CTDSPL2: variants seen among roughly 807,000 people sequenced by gnomAD.
CTDSPL2 encodes the protein CTD small phosphatase like 2.
A neutral mutation model predicts 60.0 loss-of-function variants in CTDSPL2; 5 were observed. The observed-to-expected ratio is 0.08, with a 90% CI of 0.04 to 0.18. The LOEUF is 0.18. CTDSPL2 is among the 10% of genes least tolerant of loss of function. The probability of loss-of-function intolerance (pLI) is 1.00; values close to 1 mark genes in which losing one functional copy is unlikely to be tolerated. For synonymous variants in CTDSPL2, 186 were observed against 189.3 expected (o/e 0.98, Z 0.14); for missense variants, 370 against 548.8 (o/e 0.67, Z 3.26).
At chr15:44,455,565 A>C (rs1036951520) in intron 1 of CTDSPL2, among the ~76,000 whole-genome samples, 7 of 152,132 alleles carry the variant, frequency 4.6e-5, no homozygotes, top group African/African-American at 1.7e-4. Flanking sequence ...GTTTGTCATA[A>C]ATAGCTCTTA....
intron 1 of CTDSPL2, among the ~76,000 whole-genome samples, chr15:44,455,839 A>ATTTTT (rs35307134): frequency 3.8e-4 from 18 of 47,534 alleles, no homozygotes; most frequent in South Asian, 9.3e-4. Flanking sequence ...TTTATTGAGG[A>ATTTTT]TTTTTTTTTT....
At chr15:44,497,802 G>A (rs2081326181) in intron 7 of CTDSPL2, among the ~76,000 whole-genome samples, 1 of 152,094 alleles carries the variant, frequency 6.6e-6, no homozygotes, top group Non-Finnish European at 1.5e-5. Context: ...TTTGAGACCA[G>A]CCTGACCAAC....
intron 1 of CTDSPL2, among the ~76,000 whole-genome samples, chr15:44,439,571 T>C (rs1257197772): frequency 6.6e-6 from 1 of 151,792 alleles, no homozygotes. Context: ...TGCATTATAC[T>C]GGTTGAGCAT....
chr15:44,489,668 A>G (rs747455721), intron 4 of CTDSPL2, among the ~76,000 whole-genome samples: 3 of 152,214 alleles, frequency 2.0e-5, no homozygotes, highest in Non-Finnish European at 4.4e-5. Context: ...AGGATTAGTC[A>G]TTGGATGAGT....
At chr15:44,499,600 AT>A (rs2081355689) in intron 7 of CTDSPL2, 126 bp from the exon 8 acceptor site, 1 of 542,604 alleles carries the variant, frequency 1.8e-6, no homozygotes. Context: ...ACATATAGTA[AT>A]ATATTATAAA....
At chr15:44,488,565 C>A (rs1035895028) in intron 4 of CTDSPL2, among the ~76,000 whole-genome samples, 3 of 152,134 alleles carry the variant, frequency 2.0e-5, no homozygotes, top group Non-Finnish European at 4.4e-5. Context: ...GTAATCCGAG[C>A]ACTTTGGGAG....
intron 1 of CTDSPL2, among the ~76,000 whole-genome samples, chr15:44,434,668 T>C (rs1338565197): frequency 6.6e-6 from 1 of 152,060 alleles, no homozygotes; most frequent in Non-Finnish European, 1.5e-5. Flanking sequence ...AGTGCTGAGA[T>C]TACAGGTGTG....
At position 44,484,290 on chromosome 15, in the gene CTDSPL2, T is replaced by A. The variant is rs776627508; in HGVS notation, c.253T>A (p.Ser85Thr). The A allele has an allele frequency of 3.7e-6, 6 of 1,613,124 alleles. No individual in the cohort carries two copies. The African/African-American group carries it at 5.3e-5, about 14-fold the overall frequency. ...TGATATAGATAACAATTTGATCACG[T>A]CAACACCAAGAGCAGGAGAAAAACC... The part of the protein sequence containing the change: ...ERDIDNNLIT[S>T]TPRAGEKPNK... The change falls in exon 3 of 13, where the codon TCA (serine) becomes ACA (threonine). Residue 85 changes from serine to threonine, a missense_variant. This residue lies in a region of CTDSPL2 where 287 missense variants were observed against 296.1 expected (regional missense o/e 0.97). Transcript: ENST00000260327.
chr15:44,429,757 T>G (rs1264308109), intron 1 of CTDSPL2, among the ~76,000 whole-genome samples: 1 of 152,092 alleles, frequency 6.6e-6, no homozygotes, highest in Non-Finnish European at 1.5e-5. Context: ...TCCCAGCTAC[T>G]CGGGAGGCTG....
intron 12 of CTDSPL2, among the ~76,000 whole-genome samples, chr15:44,522,328 C>T (rs2081794701): frequency 6.6e-6 from 1 of 152,106 alleles, no homozygotes. Flanking sequence ...GCCATCATGC[C>T]CAACCACATT....
chr15:44,457,606 G>C (rs1010128324), intron 1 of CTDSPL2, among the ~76,000 whole-genome samples: 1 of 151,832 alleles, frequency 6.6e-6, no homozygotes, highest in African/African-American at 2.4e-5. Context: ...GGTTGGGGGG[G>C]GTGGTGCGGG....
At chr15:44,515,443 T>C (rs1339989920) in intron 10 of CTDSPL2, among the ~76,000 whole-genome samples, 2 of 152,130 alleles carry the variant, frequency 1.3e-5, no homozygotes, top group Non-Finnish European at 2.9e-5. Context: ...AATATTATGA[T>C]AATTAGTTCC....
intron 2 of CTDSPL2, among the ~76,000 whole-genome samples, chr15:44,459,521 G>A (rs537268524): frequency 2.6e-5 from 4 of 151,998 alleles, no homozygotes; most frequent in East Asian, 1.9e-4. Flanking sequence ...GCGGGACTCC[G>A]TCTCAAAAAA....
At chr15:44,441,053 G>A (rs77515052) in intron 1 of CTDSPL2, among the ~76,000 whole-genome samples, 15,131 of 152,156 alleles carry the variant, frequency 0.099, 1,554 homozygotes, top group African/African-American at 0.24. Flanking sequence ...GACTCTATCA[G>A]TAATCTTGCT....
chr15:44,435,896 C>T (rs1359709601), intron 1 of CTDSPL2, among the ~76,000 whole-genome samples: 33 of 152,228 alleles, frequency 2.2e-4, no homozygotes, highest in Non-Finnish European at 4.6e-4. Flanking sequence ...TGTGAGCCAT[C>T]GCACCTGGCC....
chr15:44,518,310 CAG>C (rs2081695459), intron 10 of CTDSPL2, among the ~76,000 whole-genome samples: 1 of 152,048 alleles, frequency 6.6e-6, no homozygotes, highest in Non-Finnish European at 1.5e-5. Flanking sequence ...TAGTAATGTT[CAG>C]AGACTAGTAT....
At chr15:44,512,667 G>A (rs2081585897) in intron 8 of CTDSPL2, among the ~76,000 whole-genome samples, 1 of 152,192 alleles carries the variant, frequency 6.6e-6, no homozygotes, top group Non-Finnish European at 1.5e-5. Context: ...TGTTAAAATT[G>A]ATTAGAAGAA....
chr15:44,472,780 C>T (rs1343216224), intron 2 of CTDSPL2, among the ~76,000 whole-genome samples: 3 of 152,248 alleles, frequency 2.0e-5, no homozygotes, highest in Non-Finnish European at 4.4e-5. Context: ...TCCCCTGCCT[C>T]AGCCCCCTGA....
intron 2 of CTDSPL2, among the ~76,000 whole-genome samples, chr15:44,483,376 A>T (rs2081064515): frequency 6.6e-6 from 1 of 151,524 alleles, no homozygotes; most frequent in Admixed American, 6.6e-5. Context: ...CGTCTCTACT[A>T]AAAATACAAA....
Sources: gnomAD v4.1 joint callset for allele counts (sites outside exome capture counted in the v4.1 genomes callset) on GRCh38, gnomAD v4.1.1 for gene constraint, gnomAD v4.1.1 regional missense constraint, MANE v1.5 for transcripts, NCBI Gene and HGNC (gene_info 2026-07-23, HGNC 2026-07-21) for gene names.